EPHA3: variants seen among roughly 807,000 people sequenced by gnomAD.
EPHA3 encodes EPH receptor A3, also known as ephrin type-A receptor 3.
Under a neutral mutation model 107.1 loss-of-function variants are expected in EPHA3, and 42 were observed. The observed-to-expected ratio is 0.39, with a 90% CI of 0.31 to 0.51. EPHA3 has a LOEUF of 0.51. Among genes scored for constraint, EPHA3 ranks in the 20% least tolerant of loss-of-function variants. The pLI, the probability that EPHA3 is intolerant of heterozygous loss-of-function variation, is 0.78. For missense variants in EPHA3, 1,183 were observed against 1,211.2 expected (o/e 0.98, Z 0.35); for synonymous variants, 461 against 424.8 (o/e 1.09, Z -1.05).
At chr3:89,476,984 G>GA (rs1173227780) in intron 16 of EPHA3, among the ~76,000 whole-genome samples, 1 of 152,058 alleles carries the variant, frequency 6.6e-6, no homozygotes, top group Non-Finnish European at 1.5e-5. Context: ...GAAGATGAAA[G>GA]AAAAAAGAAA....
intron 3 of EPHA3, 39 bp from the exon 4 acceptor site, chr3:89,340,877 T>G (rs1707502205): frequency 6.6e-7 from 1 of 1,519,968 alleles, no homozygotes; most frequent in African/African-American, 1.4e-5. Context: ...TTCAAAAAAA[T>G]TATCACAGAC....
intron 2 of EPHA3, among the ~76,000 whole-genome samples, chr3:89,208,423 GAAGAAAGAAAGAAAGAAAGAAAGAAAGA>G (rs745313705): frequency 2.7e-5 from 1 of 37,546 alleles, no homozygotes; most frequent in Non-Finnish European, 4.7e-5. Flanking sequence ...AGGAAGGAAG[GAAGAAAGAAAGAAAGAAAGAAAGAAAGA>G]AAGAAAGAAA....
At chr3:89,154,761 A>C (rs1259660024) in intron 2 of EPHA3, among the ~76,000 whole-genome samples, 1 of 151,122 alleles carries the variant, frequency 6.6e-6, no homozygotes, top group African/African-American at 2.4e-5. Context: ...TGGAACTTTA[A>C]AAAAAACAGG....
Position 89,413,163 on chromosome 3 carries a change from T to G in EPHA3, c.1785T>G (p.Thr595=). The G allele has an allele frequency of 6.2e-7, 1 of 1,611,536 alleles. No homozygotes were observed. Among genetic ancestry groups the G allele is most frequent in the Non-Finnish European group, 8.5e-7 (1 of 1,178,248 alleles). Residue 595 remains threonine, a synonymous_variant, in exon 10 of 17, where the codon ACT becomes ACG. Transcript: ENST00000336596. ...CAGTAAAACTTCCAGGTCTCAGGAC[T>G]TATGTTGACCCACATACATATGAAG... is the stretch of plus-strand genomic sequence containing the variant. ...NGHLKLPGLR[T]YVDPHTYEDP... is the part of the protein sequence containing the mutation.
At chr3:89,334,415 T>C (rs1168697329) in intron 3 of EPHA3, among the ~76,000 whole-genome samples, 1 of 152,230 alleles carries the variant, frequency 6.6e-6, no homozygotes, top group Non-Finnish European at 1.5e-5. Context: ...ATGAAGTTAA[T>C]TTGTTCTTTT....
chr3:89,347,949 A>C (rs1244920198), intron 5 of EPHA3, among the ~76,000 whole-genome samples: 1 of 151,200 alleles, frequency 6.6e-6, no homozygotes, highest in Non-Finnish European at 1.5e-5. Flanking sequence ...CCAGCCTTGC[A>C]TCCCAGGGAT....
intron 5 of EPHA3, among the ~76,000 whole-genome samples, chr3:89,351,090 C>T (rs1262982255): frequency 1.3e-5 from 2 of 151,436 alleles, no homozygotes; most frequent in Non-Finnish European, 3.0e-5. Flanking sequence ...GCCCTGCCCC[C>T]AGAGGTGGAG....
Position 89,164,828 on chromosome 3 carries a change from A to G in EPHA3, c.153+37555A>G, listed in dbSNP as rs540461786. On this transcript the variant is annotated intron_variant, in intron 2 of 16. Transcript: ENST00000336596. ...CTGCAGAATAGTCACAGTATATCTCAGGGACTAGAAGAGAGTGTTTAATAA... is the reference window on the plus strand; with the variant it reads ...CTGCAGAATAGTCACAGTATATCTCGGGGACTAGAAGAGAGTGTTTAATAA... Among the ~76,000 whole-genome samples the G allele has an allele frequency of 9.2e-5, 14 of 152,346 alleles. No homozygotes were observed. The South Asian group carries it at 2.7e-3, about 29-fold the overall frequency.
At chr3:89,153,025 T>C (rs1438988094) in intron 2 of EPHA3, among the ~76,000 whole-genome samples, 1 of 152,094 alleles carries the variant, frequency 6.6e-6, no homozygotes, top group Non-Finnish European at 1.5e-5. Flanking sequence ...AACCTAAACA[T>C]AGATTGCTAC....
At chr3:89,375,145 C>T (rs1708378602) in intron 5 of EPHA3, among the ~76,000 whole-genome samples, 1 of 151,276 alleles carries the variant, frequency 6.6e-6, no homozygotes, top group South Asian at 2.1e-4. Context: ...AAACTTTGTC[C>T]CACTCAAAGC....
intron 5 of EPHA3, among the ~76,000 whole-genome samples, chr3:89,369,686 C>A (rs1482707776): frequency 6.8e-6 from 1 of 147,984 alleles, no homozygotes; most frequent in African/African-American, 2.5e-5. Flanking sequence ...AGCTTCTGCA[C>A]AGCAAAAGAA....
At chr3:89,173,449 T>C (rs1349655879) in intron 2 of EPHA3, among the ~76,000 whole-genome samples, 1 of 152,058 alleles carries the variant, frequency 6.6e-6, no homozygotes, top group Non-Finnish European at 1.5e-5. Flanking sequence ...TAAACTCAGT[T>C]TCATTTTATC....
intron 7 of EPHA3, chr3:89,400,196 T>A: frequency 3.8e-5 from 8 of 213,300 alleles, no homozygotes; most frequent in Non-Finnish European, 5.1e-5. Context: ...TTCTTTCTTT[T>A]TTTTTTTTTT....
At chr3:89,466,888 C>T (rs1710288489) in intron 15 of EPHA3, among the ~76,000 whole-genome samples, 1 of 151,322 alleles carries the variant, frequency 6.6e-6, no homozygotes, top group African/African-American at 2.4e-5. Flanking sequence ...AAAATCAAAA[C>T]AGCTAATTTT....
chr3:89,371,255 G>A (rs1374783626), intron 5 of EPHA3, among the ~76,000 whole-genome samples: 1 of 151,660 alleles, frequency 6.6e-6, no homozygotes, highest in Non-Finnish European at 1.5e-5. Flanking sequence ...AATGACTACA[G>A]TTACCATAAA....
At chr3:89,181,392 T>C (rs1288982814) in intron 2 of EPHA3, among the ~76,000 whole-genome samples, 1 of 152,016 alleles carries the variant, frequency 6.6e-6, no homozygotes, top group Middle Eastern at 3.2e-3. Flanking sequence ...ATCAGTTATA[T>C]ATTTTGTCAC....
At chr3:89,313,187 T>C (rs1008289296) in intron 3 of EPHA3, among the ~76,000 whole-genome samples, 22 of 152,034 alleles carry the variant, frequency 1.4e-4, no homozygotes, top group African/African-American at 5.3e-4. Flanking sequence ...AGTAATCTTC[T>C]TTAATCTTTC....
At chr3:89,338,649 C>T (rs1035867282) in intron 3 of EPHA3, among the ~76,000 whole-genome samples, 10 of 152,182 alleles carry the variant, frequency 6.6e-5, no homozygotes, top group Admixed American at 3.3e-4. Flanking sequence ...CCCTGGTTCC[C>T]GCCATTCTCC....
At chr3:89,137,685 G>A (rs1032529828) in intron 2 of EPHA3, among the ~76,000 whole-genome samples, 3 of 151,938 alleles carry the variant, frequency 2.0e-5, no homozygotes, top group Admixed American at 1.3e-4. Flanking sequence ...CCAAAGTAAT[G>A]TATGAGATTC....
Sources: allele counts gnomAD v4.1 joint callset (sites outside exome capture counted in the v4.1 genomes callset), GRCh38; gene constraint gnomAD v4.1.1; transcripts MANE v1.5; gene names NCBI Gene and HGNC (gene_info 2026-07-23, HGNC 2026-07-21).